Variants in INPP4B observed in about 807,000 individuals in gnomAD.
The protein encoded by INPP4B is inositol polyphosphate 4-phosphatase type II.
Under a neutral mutation model 122.5 loss-of-function variants are expected in INPP4B, and 55 were observed. The observed-to-expected ratio is 0.45, with a 90% confidence interval of 0.36 to 0.56. The LOEUF is 0.56. Ranked by LOEUF, INPP4B falls within the 20% of genes least tolerant of loss-of-function variation. The pLI is 0.00. For synonymous variants in INPP4B, 403 were observed against 388.7 expected (o/e 1.04, Z -0.43); for missense variants, 1,000 against 1,097.7 (o/e 0.91, Z 1.26).
At chr4:142,744,148 A>G (rs1561021879) in intron 1 of INPP4B, among the ~76,000 whole-genome samples, 4 of 152,002 alleles carry the variant, frequency 2.6e-5, no homozygotes. Context: ...GCAAATAGAA[A>G]CTCTATAATG....
chr4:142,092,776 T>C (rs1780157150), intron 23 of INPP4B, among the ~76,000 whole-genome samples: 1 of 152,228 alleles, frequency 6.6e-6, no homozygotes, highest in African/African-American at 2.4e-5. Flanking sequence ...ATATGTATAT[T>C]CAACATTGAC....
chr4:142,456,155 T>A (rs2149546284), intron 3 of INPP4B, among the ~76,000 whole-genome samples: 1 of 150,980 alleles, frequency 6.6e-6, no homozygotes, highest in East Asian at 2.0e-4. Flanking sequence ...CTTTTTAACT[T>A]GATGTGATCC....
chr4:142,068,792 TATATATGCACCCA>T (rs1765205533), intron 25 of INPP4B, among the ~76,000 whole-genome samples: 1 of 152,144 alleles, frequency 6.6e-6, no homozygotes, highest in South Asian at 2.1e-4. Context: ...CTATCTTAAA[TATATATGCACCCA>T]ATACAGGAGC....
chr4:142,624,534 C>T (rs942673579), intron 2 of INPP4B, among the ~76,000 whole-genome samples: 1 of 151,962 alleles, frequency 6.6e-6, no homozygotes, highest in Non-Finnish European at 1.5e-5. Context: ...GATTCACAGC[C>T]GAATTCTATC....
In INPP4B at chr4:142,625,798, G is replaced by T. The variant is rs1315812714; in HGVS notation, c.-191+100041C>A. Reference sequence around the variant, plus strand: ...ACCAAAACAGAGATATAGATCAATGGAACAGAACAGAGCCCTCAGAAATAA... The same window carrying T: ...ACCAAAACAGAGATATAGATCAATGTAACAGAACAGAGCCCTCAGAAATAA... On this transcript the variant is annotated intron_variant, in intron 2 of 25. Coordinates refer to ENST00000262992, the MANE Select transcript of INPP4B (RefSeq NM_001101669.3). 7.2e-5 allele frequency among the ~76,000 whole-genome samples: 11 copies of T among 152,190 alleles called. No homozygotes were observed. The South Asian group carries it at 2.1e-3, about 29-fold the overall frequency.
intron 1 of INPP4B, among the ~76,000 whole-genome samples, chr4:142,780,155 C>G (rs970854124): frequency 6.6e-6 from 1 of 152,182 alleles, no homozygotes; most frequent in Non-Finnish European, 1.5e-5. Context: ...GACACAATTA[C>G]ATCTTTTCTT....
chr4:142,129,403 C>A (rs550017027), intron 18 of INPP4B, among the ~76,000 whole-genome samples: 1 of 152,206 alleles, frequency 6.6e-6, no homozygotes, highest in African/African-American at 2.4e-5. Context: ...AAGTTCTTGT[C>A]TTTCAGGCAC....
At chr4:142,649,725 C>T (rs1752538387) in intron 2 of INPP4B, among the ~76,000 whole-genome samples, 1 of 151,880 alleles carries the variant, frequency 6.6e-6, no homozygotes, top group South Asian at 2.1e-4. Context: ...GTGAAAAGAC[C>T]AAATCTATGT....
At chr4:142,291,154 C>T (rs903486583) in intron 9 of INPP4B, among the ~76,000 whole-genome samples, 4 of 152,060 alleles carry the variant, frequency 2.6e-5, no homozygotes, top group Non-Finnish European at 4.4e-5. Context: ...CCGATAAAGA[C>T]CAAAAGCTTT....
chr4:142,821,556 A>T (rs143662411), intron 1 of INPP4B, among the ~76,000 whole-genome samples: 2 of 152,170 alleles, frequency 1.3e-5, no homozygotes, highest in Non-Finnish European at 2.9e-5. Context: ...TCAAATTGCC[A>T]TAACTATGTA....
chr4:142,194,647 C>A (rs749896568), intron 14 of INPP4B, among the ~76,000 whole-genome samples: 12 of 152,002 alleles, frequency 7.9e-5, no homozygotes, highest in Non-Finnish European at 1.6e-4. Flanking sequence ...TGTCTAAAAC[C>A]CCAAGGATTT....
At chr4:142,430,949 G>A (rs1228676359) in intron 4 of INPP4B, among the ~76,000 whole-genome samples, 1 of 151,856 alleles carries the variant, frequency 6.6e-6, no homozygotes, top group Non-Finnish European at 1.5e-5. Context: ...CCATTTCATG[G>A]ACTATCATCT....
In INPP4B at chr4:142,341,367, T is replaced by G. The variant is rs370603164; in HGVS notation, c.373-26605A>C. ...AAACCTAGCAACGTATGCACAGACATAAAGTTATATTTGCATTCTGTTGAG... is the reference window on the plus strand; with the variant it reads ...AAACCTAGCAACGTATGCACAGACAGAAAGTTATATTTGCATTCTGTTGAG... On this transcript the variant is annotated intron_variant, in intron 7 of 25. Transcript: ENST00000262992. Among the ~76,000 whole-genome samples the G allele has an allele frequency of 5.5e-4, 84 of 152,288 alleles. 1 individual carries two copies. In the East Asian group the frequency reaches 0.015, roughly 28 times the overall value.
chr4:142,036,301 C>T (rs1743906977), intron 25 of INPP4B, among the ~76,000 whole-genome samples: 1 of 152,072 alleles, frequency 6.6e-6, no homozygotes, highest in African/African-American at 2.4e-5. Context: ...TTTTCAATGT[C>T]TCCTGTTAGG....
intron 7 of INPP4B, among the ~76,000 whole-genome samples, chr4:142,390,791 T>C (rs1797422254): frequency 6.6e-6 from 1 of 151,978 alleles, no homozygotes; most frequent in Non-Finnish European, 1.5e-5. Flanking sequence ...GCCTTGTCAA[T>C]TGTGTCTTTA....
intron 18 of INPP4B, among the ~76,000 whole-genome samples, chr4:142,143,500 C>T (rs1023061640): frequency 2.6e-5 from 4 of 151,932 alleles, no homozygotes; most frequent in South Asian, 2.1e-4. Context: ...AGAAGCTTTC[C>T]GTTCACCCAC....
rs1748362399 is a variant in INPP4B, at chr4:142,276,280, T to A, written c.504-5506A>T. Among the ~76,000 whole-genome samples the A allele has an allele frequency of 2.6e-5, 4 of 151,942 alleles. No homozygotes were observed. The South Asian group carries it at 8.3e-4, about 31-fold the overall frequency. ...GCTCTACTTTCACTATTTTATTTTT[T>A]TCCTATTAAAAGTCCTTAGACATTG... On this transcript the variant is annotated intron_variant, in intron 9 of 25. Transcript: ENST00000262992.
intron 1 of INPP4B, among the ~76,000 whole-genome samples, chr4:142,830,987 A>C (rs1447386392): frequency 6.6e-6 from 1 of 151,460 alleles, no homozygotes; most frequent in African/African-American, 2.4e-5. Context: ...ACACCACTGC[A>C]CTCCAGCCTG....
At chr4:142,087,602 T>C (rs777675856) in intron 23 of INPP4B, among the ~76,000 whole-genome samples, 1 of 152,038 alleles carries the variant, frequency 6.6e-6, no homozygotes, top group Admixed American at 6.6e-5. Context: ...CAGGAGAAAA[T>C]AAGATGGACT....
Sources: allele counts gnomAD v4.1 joint callset (sites outside exome capture counted in the v4.1 genomes callset), GRCh38; gene constraint gnomAD v4.1.1; transcripts MANE v1.5; gene names NCBI Gene and HGNC (gene_info 2026-07-23, HGNC 2026-07-21).